WNT2B: variants seen among roughly 807,000 people sequenced by gnomAD.
WNT2B encodes the protein protein Wnt-2b.
In WNT2B, 19 loss-of-function variants were observed where a neutral mutation model predicts 40.5. That is an observed-to-expected ratio of 0.47 (90% CI 0.33 to 0.69). The LOEUF is 0.69. Ranked by LOEUF, WNT2B falls within the 30% of genes least tolerant of loss-of-function variation. WNT2B has a pLI of 0.02. For synonymous variants in WNT2B, 220 were observed against 211.9 expected, an observed-to-expected ratio of 1.04 and a Z score of -0.33; for missense variants, 467 against 556.4, an observed-to-expected ratio of 0.84 and a Z score of 1.62.
chr1:112,516,739 C>T (rs774192522), intron 3 of WNT2B, among the ~76,000 whole-genome samples: 1 of 152,202 alleles, frequency 6.6e-6, no homozygotes, highest in Non-Finnish European at 1.5e-5. Flanking sequence ...GGTATTTGAA[C>T]ATCTTCTATG....
chr1:112,497,091 C>T (rs565146231), intron 1 of WNT2B, among the ~76,000 whole-genome samples: 5 of 152,324 alleles, frequency 3.3e-5, no homozygotes, highest in African/African-American at 1.2e-4. Context: ...AGCCCCACTC[C>T]CACAGTTTTG....
At position 112,524,504 on chromosome 1, in the gene WNT2B, TAA is replaced by T. The variant is rs1653118007; in HGVS notation, c.*3996_*3997del. On this transcript the variant is annotated 3_prime_UTR_variant, in exon 5 of 5. Coordinates refer to ENST00000369684, the MANE Select transcript of WNT2B (RefSeq NM_024494.3). ...GAGGTGCCAGACACAGAGTTCTCCG[TAA>T]GCAATCCTGCAGAGCCGCCCCCTGG... The T allele has an allele frequency of 6.5e-6, 1 of 152,726 alleles. No homozygotes were observed. Among genetic ancestry groups the T allele is most frequent in the Non-Finnish European group, 1.5e-5 (1 of 68,198 alleles). The allele number at this position is 152,726 out of a possible 1,614,324, so 9.5% of individuals were successfully genotyped here. A position where few individuals can be genotyped will look rare whatever the true frequency, so the allele number is the denominator to read the frequency against.
At chr1:112,493,963 A>G (rs115302593) in intron 1 of WNT2B, among the ~76,000 whole-genome samples, 1,793 of 152,170 alleles carry the variant, frequency 0.012, 36 homozygotes, top group Middle Eastern at 0.051. Flanking sequence ...ACGATATTGA[A>G]AGAAGCCAGC....
At chr1:112,491,067 CA>C in intron 1 of WNT2B, 1 of 1,613,972 alleles carries the variant, frequency 6.2e-7, no homozygotes, top group Non-Finnish European at 8.5e-7. Flanking sequence ...CAGCGTTCAA[CA>C]AGTGTTTGCA....
In WNT2B at chr1:112,516,316, T is replaced by C; in HGVS notation, c.580T>C (p.Tyr194His). 1 of 1,614,094 alleles carries C rather than the reference T, an allele frequency of 6.2e-7. No homozygotes were observed. The highest frequency in any genetic ancestry group is 8.5e-7 in the Non-Finnish European group (1 of 1,180,020). The change falls in exon 3 of 5, where the codon TAC becomes CAC. Residue 194 changes from tyrosine to histidine, a missense_variant. Coordinates refer to ENST00000369684, the MANE Select transcript of WNT2B (RefSeq NM_024494.3). The part of the protein sequence containing the change: ...DWGGCSDNIH[Y>H]GVRFAKAFVD... ...GGGTGGCTGCAGTGACAACATCCAC[T>C]ACGGTGTCCGTTTTGCCAAGGCCTT... is the stretch of plus-strand genomic sequence containing the variant.
At chr1:112,479,388 A>G (rs1171742127) in intron 1 of WNT2B, among the ~76,000 whole-genome samples, 2 of 151,978 alleles carry the variant, frequency 1.3e-5, no homozygotes. Context: ...AGCCTGGCCA[A>G]CATGGTGAAA....
At chr1:112,503,868 A>C (rs1652032169) in intron 1 of WNT2B, among the ~76,000 whole-genome samples, 2 of 152,056 alleles carry the variant, frequency 1.3e-5, no homozygotes, top group Admixed American at 1.3e-4. Flanking sequence ...ACCCAGGGAG[A>C]TGGAGACTCA....
Position 112,527,682 on chromosome 1 carries a change from A to G in WNT2B, c.*7173A>G, listed in dbSNP as rs1290693997. ...TTTCCGTGGAAATTTACCTACTCCC[A>G]TTTTCAGGTCTACTCCTGGTCTCAC... On this transcript the variant is annotated 3_prime_UTR_variant, in exon 5 of 5. Transcript: ENST00000369684. 6.6e-6 allele frequency: 1 copy of G among 152,532 alleles called. No homozygotes were observed. Among genetic ancestry groups the G allele is most frequent in the Admixed American group, 6.5e-5 (1 of 15,270 alleles). The allele number at this position is 152,532 out of a possible 1,614,324, so 9.4% of individuals were successfully genotyped here.
At chr1:112,480,310 C>A (rs2101055027) in intron 1 of WNT2B, among the ~76,000 whole-genome samples, 1 of 148,434 alleles carries the variant, frequency 6.7e-6, no homozygotes. Flanking sequence ...GAAGTTGCAG[C>A]CAGTCAATAT....
intron 1 of WNT2B, among the ~76,000 whole-genome samples, chr1:112,469,901 G>A (rs114198118): frequency 0.054 from 8,138 of 152,106 alleles, 741 homozygotes; most frequent in African/African-American, 0.18. Flanking sequence ...GGTGTGAGTC[G>A]CCGTACCCGG....
intron 1 of WNT2B, among the ~76,000 whole-genome samples, chr1:112,481,195 T>C (rs1418184322): frequency 6.6e-6 from 1 of 151,882 alleles, no homozygotes; most frequent in African/African-American, 2.4e-5. Flanking sequence ...TTATACACCC[T>C]GAGCAAGTGC....
rs5777124 is a variant in WNT2B at position 112,521,311 on chromosome 1, C to CTTTTTTTTTTTTTTTT, written c.*807_*822dup. On this transcript the variant is annotated 3_prime_UTR_variant, in exon 5 of 5. Coordinates refer to ENST00000369684, the MANE Select transcript of WNT2B (RefSeq NM_024494.3). ...TAAGTCTGGCTAGGCCTTGTGTTGCCTTTTTTTTTTTTTTTTTTTTCTTTT... is the reference window on the plus strand; with the variant it reads ...TAAGTCTGGCTAGGCCTTGTGTTGCCTTTTTTTTTTTTTTTTTTTTTTTTTTTTTTTTTTTTCTTTT... 4.3e-4 allele frequency: 53 copies of CTTTTTTTTTTTTTTTT among 122,090 alleles called. No individual in the cohort carries two copies. Among genetic ancestry groups the CTTTTTTTTTTTTTTTT allele is most frequent in the East Asian group, 9.8e-4 (4 of 4,102 alleles). 7.6% of individuals were successfully genotyped at this position (122,090 alleles called of 1,614,324 possible).
In WNT2B at chr1:112,509,030, AGC is replaced by A; in HGVS notation, c.-228_-227del. ...CTGACACCGCACCCGGTCCTCAGGC[AGC>A]GCGCCCCAGACCCCGGGTTCGGCAC... On this transcript the variant is annotated 5_prime_UTR_variant, in exon 1 of 5. Transcript: ENST00000369684. The surrounding 1 kb of genome is among the most constrained non-coding windows in gnomAD (Gnocchi z 4.2). 1 of 1,345,450 alleles carries A rather than the reference AGC, an allele frequency of 7.4e-7. No homozygotes were observed. Among genetic ancestry groups the A allele is most frequent in the Non-Finnish European group, 9.5e-7 (1 of 1,057,640 alleles). The allele number at this position is 1,345,450 out of a possible 1,614,324, so 83.3% of individuals were successfully genotyped here.
At chr1:112,478,034 G>C (rs1651103272) in intron 1 of WNT2B, among the ~76,000 whole-genome samples, 1 of 152,194 alleles carries the variant, frequency 6.6e-6, no homozygotes, top group Non-Finnish European at 1.5e-5. Flanking sequence ...AGGAGTTCAA[G>C]ACCAGCCTGG....
At chr1:112,483,470 T>G (rs1651293860) in intron 1 of WNT2B, among the ~76,000 whole-genome samples, 1 of 151,852 alleles carries the variant, frequency 6.6e-6, no homozygotes, top group Non-Finnish European at 1.5e-5. Context: ...TATACAAAAA[T>G]CAACTCAAAA....
Position 112,529,854 on chromosome 1 carries a change from C to T in WNT2B, c.*9345C>T, listed in dbSNP as rs1177971083. 2 of 150,936 alleles carry T rather than the reference C, an allele frequency of 1.3e-5. No homozygotes were observed. The highest frequency in any genetic ancestry group is 4.9e-5 in the African/African-American group (2 of 41,046). The allele number at this position is 150,936 out of a possible 1,614,324, so 9.3% of individuals were successfully genotyped here. ...GCTCAGTGGAACTGGGGTTTACTTACATCTTTTTTCTGGGAACCTAATGTT... is the reference window on the plus strand; with the variant it reads ...GCTCAGTGGAACTGGGGTTTACTTATATCTTTTTTCTGGGAACCTAATGTT... On this transcript the variant is annotated 3_prime_UTR_variant, in exon 5 of 5. Coordinates refer to ENST00000369684, the MANE Select transcript of WNT2B (RefSeq NM_024494.3).
chr1:112,515,040 A>G lies in WNT2B; in HGVS notation c.349A>G (p.Asn117Asp). Reference sequence around the variant, plus strand: ...GCACCAATTCCGCCACCACCGCTGGAACTGTACCACCCTGGACCGGGACCA... The same window carrying G: ...GCACCAATTCCGCCACCACCGCTGGGACTGTACCACCCTGGACCGGGACCA... ...CQHQFRHHRWNCTTLDRDHTV... is the reference protein window; with the variant it reads ...CQHQFRHHRWDCTTLDRDHTV... The change falls in exon 2 of 5, where the codon AAC becomes GAC. Residue 117 changes from asparagine to aspartate, a missense_variant. Physicochemically the swap from Asn to Asp is conservative, Grantham distance 23 (BLOSUM62 1). This residue lies in a region of WNT2B where 330 missense variants were observed against 438.6 expected (regional missense o/e 0.75). Transcript: ENST00000369684. This position sits in a 1 kb window ranked among gnomAD's most constrained non-coding sequence, Gnocchi z 4.4. 3 of 1,614,192 alleles carry G rather than the reference A, an allele frequency of 1.9e-6. No homozygotes were observed. Among genetic ancestry groups the G allele is most frequent in the Non-Finnish European group, 2.5e-6 (3 of 1,180,026 alleles).
chr1:112,497,437 GC>G lies in WNT2B; in HGVS notation c.-94-17433del, dbSNP rs537232680. Among the ~76,000 whole-genome samples the G allele has an allele frequency of 2.0e-3, 305 of 152,330 alleles. 1 individual carries two copies. Among genetic ancestry groups the G allele is most frequent in the African/African-American group, 6.9e-3 (288 of 41,578 alleles). On this transcript the variant is annotated intron_variant, in intron 1 of 4. Transcript: ENST00000256640. ...ATGGCTTGTGCCTTCTGGGGCAGCA[GC>G]CCCAGCTGCACCTAGACCCACATAG...
chr1:112,470,219 T>A (rs1490615977), intron 1 of WNT2B, among the ~76,000 whole-genome samples: 1 of 152,306 alleles, frequency 6.6e-6, no homozygotes, highest in South Asian at 2.1e-4. Context: ...TTATTTCTCC[T>A]TCATGTTTGA....
Sources: gnomAD v4.1 joint callset for allele counts (sites outside exome capture counted in the v4.1 genomes callset) on GRCh38, gnomAD v4.1.1 for gene constraint, gnomAD v4.1.1 regional missense constraint, Gnocchi (gnomAD v3.1) non-coding constraint, MANE v1.5 for transcripts, NCBI Gene and HGNC (gene_info 2026-07-23, HGNC 2026-07-21) for gene names.